The following CD81 variants were observed in gnomAD, a reference collection of about 807,000 sequenced individuals.
CD81 encodes CD81 molecule.
A neutral mutation model predicts 30.1 loss-of-function variants in CD81; 10 were observed. The ratio of observed to expected loss-of-function variants is 0.33; its 90% CI spans 0.21 to 0.56. The LOEUF is 0.56. Ranked by LOEUF, CD81 falls within the 20% of genes least tolerant of loss-of-function variation. CD81 has a pLI of 0.89. For synonymous variants in CD81, 147 were observed against 126.4 expected, an observed-to-expected ratio of 1.16 and a Z score of -1.10; for missense variants, 263 against 308.7, an observed-to-expected ratio of 0.85 and a Z score of 1.11.
chr11:2,378,863 G>T lies in CD81; in HGVS notation c.66+1248G>T, dbSNP rs1589843924. On this transcript the variant is annotated intron_variant, in intron 1 of 7. Coordinates refer to ENST00000263645, the MANE Select transcript of CD81 (RefSeq NM_004356.4). This position sits in a 1 kb window ranked among gnomAD's most constrained non-coding sequence, Gnocchi z 4.9. Reference sequence around the variant, plus strand: ...GACCAGAGACATCTGTTTCCCATCTGGACGGCTGAGGATCCCAGTGCGGAT... The same window carrying T: ...GACCAGAGACATCTGTTTCCCATCTTGACGGCTGAGGATCCCAGTGCGGAT... 6.6e-6 allele frequency among the ~76,000 whole-genome samples: 1 copy of T among 152,356 alleles called. No homozygotes were observed. The highest frequency in any genetic ancestry group is 2.4e-5 in the African/African-American group (1 of 41,586).
At chr11:2,379,721 C>T (rs1849673226) in intron 1 of CD81, among the ~76,000 whole-genome samples, 1 of 152,050 alleles carries the variant, frequency 6.6e-6, no homozygotes, top group South Asian at 2.1e-4. Context: ...GTTATTAAGG[C>T]TCAAGGAAAT....
At chr11:2,394,939 T>C (rs769149365) in intron 3 of CD81, 33 bp from the exon 4 acceptor site, 2 of 1,604,400 alleles carry the variant, frequency 1.2e-6, no homozygotes, top group South Asian at 2.2e-5. Context: ...CAGCCTGCCC[T>C]CTTTCCTCCC....
At chr11:2,379,625 G>A (rs1353861018) in intron 1 of CD81, among the ~76,000 whole-genome samples, 3 of 152,034 alleles carry the variant, frequency 2.0e-5, no homozygotes, top group East Asian at 3.9e-4. Context: ...AGGTCTCCCT[G>A]GCAGCCCCCT....
chr11:2,390,925 A>G (rs1589851161), intron 2 of CD81: 106 of 112,682 alleles, frequency 9.4e-4, no homozygotes, highest in South Asian at 2.4e-3. Flanking sequence ...GAACCCAGTG[A>G]GGGGTGGAGA....
chr11:2,395,640 T>C, intron 5 of CD81, 120 bp downstream of exon 5: 1 of 848,968 alleles, frequency 1.2e-6, no homozygotes, highest in Non-Finnish European at 1.9e-6. Context: ...CCTTGGGACC[T>C]CCAGGACCCC....
rs960195428 is a variant in CD81 at position 2,381,490 on chromosome 11, C to T, written c.66+3875C>T. The stretch of plus-strand genomic sequence containing the variant: ...CCAATCCCTTTCTCATAACTGCTTC[C>T]AAGCCCAGACAAGGAGACAGACCCC... On this transcript the variant is annotated intron_variant, in intron 1 of 7. Transcript: ENST00000263645. Among the ~76,000 whole-genome samples, 4 of 152,252 alleles carry T rather than the reference C, an allele frequency of 2.6e-5. No homozygotes were observed. The South Asian group carries it at 6.2e-4, about 24-fold the overall frequency.
chr11:2,381,580 T>G (rs1283741015), intron 1 of CD81, among the ~76,000 whole-genome samples: 1 of 152,022 alleles, frequency 6.6e-6, no homozygotes, highest in Non-Finnish European at 1.5e-5. Context: ...GCTCATAGAG[T>G]CAATAAGGCT....
intron 1 of CD81, among the ~76,000 whole-genome samples, chr11:2,387,747 T>G (rs1266866921): frequency 1.3e-5 from 2 of 152,006 alleles, no homozygotes; most frequent in Admixed American, 6.5e-5. Flanking sequence ...TGCCCGCAGG[T>G]GTATGTTGGG....
rs558112320 is a variant in CD81 at position 2,389,586 on chromosome 11, T to C, written c.67-826T>C. Among the ~76,000 whole-genome samples, 72 of 152,222 alleles carry C rather than the reference T, an allele frequency of 4.7e-4. 1 individual carries two copies. The South Asian group carries it at 7.1e-3, about 15-fold the overall frequency. On this transcript the variant is annotated intron_variant, in intron 1 of 7. Coordinates refer to ENST00000263645, the MANE Select transcript of CD81 (RefSeq NM_004356.4). ...CCCGGCGTTGAAGGCCTCTCCTCTC[T>C]GTGAGCCTCATCCCCACCTGCCAGA...
At position 2,397,132 on chromosome 11, in the gene CD81, A is replaced by G. The variant is rs1038951256; in HGVS notation, c.*266A>G. On this transcript the variant is annotated 3_prime_UTR_variant, in exon 8 of 8. Transcript: ENST00000263645. ...AGGGGTCCTTCTGCCCTGGGGTCCC[A>G]GGGTGCTCTGCCTGCTCAGCCAGGC... 47 of 525,308 alleles carry G rather than the reference A, an allele frequency of 8.9e-5. 1 individual carries two copies. The South Asian group carries it at 9.2e-4, about 10-fold the overall frequency. 32.5% of individuals were successfully genotyped at this position (525,308 alleles called of 1,614,324 possible).
rs866455602 is a variant in CD81 at position 2,385,632 on chromosome 11, G to A, written c.67-4780G>A. On this transcript the variant is annotated intron_variant, in intron 1 of 7. Coordinates refer to ENST00000263645, the MANE Select transcript of CD81 (RefSeq NM_004356.4). ...TGTGCACCCGTGCTGTGGCGTGCCC[G>A]TCGTCTGTGCACCCGTGCTGTGGTG... is the stretch of plus-strand genomic sequence containing the variant. The A allele has an allele frequency of 3.6e-4, 23 of 64,296 alleles. 1 individual carries two copies. Among genetic ancestry groups the A allele is most frequent in the South Asian group, 2.6e-3 (23 of 8,904 alleles). The allele number at this position is 64,296 out of a possible 1,614,324, so 4.0% of individuals were successfully genotyped here.
chr11:2,393,732 A>C, intron 2 of CD81: 1 of 600,484 alleles, frequency 1.7e-6, no homozygotes, highest in Non-Finnish European at 3.0e-6. Flanking sequence ...GGAGCGGGTG[A>C]AGGCGGTGGG....
intron 2 of CD81, chr11:2,393,866 A>G (rs529011055): frequency 5.8e-6 from 4 of 686,734 alleles, no homozygotes; most frequent in Non-Finnish European, 1.1e-5. Flanking sequence ...CCCAGTCCCC[A>G]TGTGGCCTCC....
chr11:2,389,200 C>T (rs1252884338), intron 1 of CD81, among the ~76,000 whole-genome samples: 1 of 152,152 alleles, frequency 6.6e-6, no homozygotes, highest in African/African-American at 2.4e-5. Flanking sequence ...GGGACCCAGC[C>T]CCCACCCTGT....
chr11:2,392,661 C>G (rs1414619081), intron 2 of CD81: 1 of 152,322 alleles, frequency 6.6e-6, no homozygotes, highest in African/African-American at 2.4e-5. Context: ...AATCGGCCTT[C>G]TGGAGCCTCT....
Position 2,396,903 on chromosome 11 carries a change from C to G in CD81, c.*37C>G. 1 of 1,597,810 alleles carries G rather than the reference C, an allele frequency of 6.3e-7. No homozygotes were observed. The highest frequency in any genetic ancestry group is 1.1e-5 in the South Asian group (1 of 90,774). ...TCTGGCCACAGGGACCTCTGCAGTG[C>G]CCCCTAAGTGACCCGGACACTTCCG... On this transcript the variant is annotated 3_prime_UTR_variant, in exon 8 of 8. Transcript: ENST00000263645.
At chr11:2,389,541 A>G (rs7939184) in intron 1 of CD81, among the ~76,000 whole-genome samples, 16,176 of 152,042 alleles carry the variant, frequency 0.11, 2,430 homozygotes, top group African/African-American at 0.34. Context: ...GCTAGAGTTG[A>G]TTGTGTGCAC....
intron 6 of CD81, 43 bp downstream of exon 6, chr11:2,396,013 C>T (rs1849994196): frequency 1.5e-6 from 2 of 1,377,630 alleles, no homozygotes; most frequent in East Asian, 4.6e-5. Context: ...CCCGCATGTC[C>T]CGCCCCTGGG....
At chr11:2,396,756 C>T (rs772269618) in intron 7 of CD81, 42 bp downstream of exon 7, 1 of 1,611,940 alleles carries the variant, frequency 6.2e-7, no homozygotes, top group Non-Finnish European at 8.5e-7. Context: ...TGGGCTGCCC[C>T]TTCCGCGGGG....
Sources: allele counts gnomAD v4.1 joint callset (sites outside exome capture counted in the v4.1 genomes callset), GRCh38; gene constraint gnomAD v4.1.1; non-coding constraint Gnocchi (gnomAD v3.1); transcripts MANE v1.5; gene names NCBI Gene and HGNC (gene_info 2026-07-23, HGNC 2026-07-21).